Variants in WWOX observed in about 807,000 individuals in gnomAD.
The protein encoded by WWOX is WW domain containing oxidoreductase, also known as WW domain-containing oxidoreductase.
WWOX carries 69 observed loss-of-function variants against 46.2 expected under a neutral mutation model. The ratio of observed to expected loss-of-function variants is 1.49; its 90% CI spans 1.23 to 1.82. The LOEUF (loss-of-function observed/expected upper bound fraction) is 1.82, where lower values mean the gene tolerates loss of function less well. Ranked by LOEUF, WWOX falls within the 40% of genes most tolerant of loss-of-function variation. The pLI is 0.00. For missense variants in WWOX, 919 were observed against 542.6 expected, an observed-to-expected ratio of 1.69 and a Z score of -6.89; for synonymous variants, 359 against 202.6, an observed-to-expected ratio of 1.77 and a Z score of -6.56.
intron 8 of WWOX, among the ~76,000 whole-genome samples, chr16:78,943,306 ACGAGTAAAAAG>A (rs2045887851): frequency 6.8e-6 from 1 of 147,628 alleles, no homozygotes; most frequent in Non-Finnish European, 1.5e-5. Flanking sequence ...GGTACGCTAA[ACGAGTAAAAAG>A]CAACCCGAGA....
At position 79,044,964 on chromosome 16, in the gene WWOX, G is replaced by C. The variant is rs149337974; in HGVS notation, c.1057-166644G>C. On this transcript the variant is annotated intron_variant, in intron 8 of 8. Transcript: ENST00000566780. ...TAATCAATGAGATAATGTGCATAAA[G>C]ATTTACATACATAATAACTGCTCAA... Among the ~76,000 whole-genome samples the C allele has an allele frequency of 3.2e-4, 49 of 152,256 alleles. 1 individual carries two copies. Among genetic ancestry groups the C allele is most frequent in the African/African-American group, 1.2e-3 (48 of 41,548 alleles).
chr16:78,985,013 G>T (rs1382752831), intron 8 of WWOX, among the ~76,000 whole-genome samples: 5 of 152,086 alleles, frequency 3.3e-5, no homozygotes, highest in Admixed American at 3.3e-4. Flanking sequence ...TCCTTGCCCA[G>T]CTCCAAGTGT....
At chr16:78,454,405 G>C (rs1249576803) in intron 8 of WWOX, among the ~76,000 whole-genome samples, 3 of 152,124 alleles carry the variant, frequency 2.0e-5, no homozygotes, top group East Asian at 1.9e-4. Flanking sequence ...GTGTGTATTT[G>C]TCTGAAATAA....
chr16:78,555,309 C>T (rs1167299653), intron 8 of WWOX, among the ~76,000 whole-genome samples: 1 of 152,000 alleles, frequency 6.6e-6, no homozygotes, highest in Non-Finnish European at 1.5e-5. Context: ...GAAAGGTACT[C>T]TTTTTTATTC....
chr16:79,197,720 C>G (rs1159146852), intron 8 of WWOX, among the ~76,000 whole-genome samples: 1 of 151,946 alleles, frequency 6.6e-6, no homozygotes, highest in Non-Finnish European at 1.5e-5. Flanking sequence ...TTATTTGTTC[C>G]CAATGTTTGC....
At chr16:78,812,332 C>T (rs940774496) in intron 8 of WWOX, among the ~76,000 whole-genome samples, 1 of 152,038 alleles carries the variant, frequency 6.6e-6, no homozygotes, top group African/African-American at 2.4e-5. Context: ...GGTTTTGAGA[C>T]CCTCAGGGTG....
chr16:78,878,779 G>A (rs1041408259), intron 8 of WWOX, among the ~76,000 whole-genome samples: 1 of 151,728 alleles, frequency 6.6e-6, no homozygotes, highest in African/African-American at 2.4e-5. Context: ...ACCAGGCCAG[G>A]CTTATGGCTG....
At chr16:78,988,499 C>G (rs2046824174) in intron 8 of WWOX, among the ~76,000 whole-genome samples, 1 of 152,030 alleles carries the variant, frequency 6.6e-6, no homozygotes. Context: ...GGAGCTGTAA[C>G]CTTTGGTTGA....
At chr16:79,056,643 C>T (rs894963413) in intron 8 of WWOX, among the ~76,000 whole-genome samples, 6 of 152,164 alleles carry the variant, frequency 3.9e-5, no homozygotes, top group Admixed American at 1.3e-4. Context: ...TCCCTTCCCC[C>T]TCTTGTCACA....
chr16:78,354,781 A>G (rs570895566), intron 5 of WWOX, among the ~76,000 whole-genome samples: 12 of 152,150 alleles, frequency 7.9e-5, no homozygotes, highest in African/African-American at 2.9e-4. Context: ...GGGTTTTTCT[A>G]GATGGCCTGT....
Position 78,815,741 on chromosome 16 carries a change from A to G in WWOX, c.1056+382989A>G, listed in dbSNP as rs1025955793. Reference sequence around the variant, plus strand: ...GGAGCAAAAGAGCTTTAGAACTGCAATGCATCTGTCTGAGGCCAAGGACAG... The same window carrying G: ...GGAGCAAAAGAGCTTTAGAACTGCAGTGCATCTGTCTGAGGCCAAGGACAG... On this transcript the variant is annotated intron_variant, in intron 8 of 8. Coordinates refer to ENST00000566780, the MANE Select transcript of WWOX (RefSeq NM_016373.4). Among the ~76,000 whole-genome samples, 10 of 152,292 alleles carry G rather than the reference A, an allele frequency of 6.6e-5. No individual in the cohort carries two copies. In the South Asian group the frequency reaches 1.2e-3, roughly 19 times the overall value.
At chr16:79,097,828 G>C (rs908489032) in intron 8 of WWOX, among the ~76,000 whole-genome samples, 2 of 152,154 alleles carry the variant, frequency 1.3e-5, no homozygotes, top group Admixed American at 6.5e-5. Context: ...CCCGTCGATC[G>C]CAGTTCAGAT....
chr16:78,837,539 C>CT (rs1395376644), intron 8 of WWOX, among the ~76,000 whole-genome samples: 1 of 151,962 alleles, frequency 6.6e-6, no homozygotes, highest in South Asian at 2.1e-4. Flanking sequence ...GAGTGGGATA[C>CT]TTTTTTTTAT....
intron 8 of WWOX, among the ~76,000 whole-genome samples, chr16:78,500,208 G>A (rs2085025658): frequency 6.6e-6 from 1 of 152,196 alleles, no homozygotes; most frequent in Non-Finnish European, 1.5e-5. Context: ...AATTGTGTGT[G>A]TGACTTTGTG....
intron 8 of WWOX, among the ~76,000 whole-genome samples, chr16:78,857,331 T>C (rs903852415): frequency 1.3e-5 from 2 of 152,186 alleles, no homozygotes; most frequent in African/African-American, 4.8e-5. Flanking sequence ...CACCATGACA[T>C]TGGCAAAAGT....
At position 79,052,709 on chromosome 16, in the gene WWOX, G is replaced by A. The variant is rs958206919; in HGVS notation, c.1057-158899G>A. Among the ~76,000 whole-genome samples, 3 of 152,298 alleles carry A rather than the reference G, an allele frequency of 2.0e-5. No homozygotes were observed. In the South Asian group the frequency reaches 6.2e-4, roughly 32 times the overall value. On this transcript the variant is annotated intron_variant, in intron 8 of 8. Transcript: ENST00000566780. ...GGTTATAAATGAGCCTGTCTCCTTT[G>A]TCCGGTGTTCTCTCATGGCAAAACT...
intron 8 of WWOX, among the ~76,000 whole-genome samples, chr16:78,792,051 C>A (rs1189438459): frequency 6.6e-6 from 1 of 152,118 alleles, no homozygotes; most frequent in African/African-American, 2.4e-5. Flanking sequence ...ATCCCATAGT[C>A]AGCTTAGCCC....
chr16:78,833,619 T>G (rs1296437673), intron 8 of WWOX, among the ~76,000 whole-genome samples: 1 of 152,226 alleles, frequency 6.6e-6, no homozygotes. Context: ...ACTGCACATA[T>G]GTTCCTTTCT....
At chr16:78,287,450 C>G (rs13336959) in intron 5 of WWOX, among the ~76,000 whole-genome samples, 6,159 of 152,152 alleles carry the variant, frequency 0.04, 283 homozygotes, top group African/African-American at 0.11. Context: ...TAATTTTGAC[C>G]CAGTTGTAGT....
Sources: allele counts gnomAD v4.1 joint callset (sites outside exome capture counted in the v4.1 genomes callset), GRCh38; gene constraint gnomAD v4.1.1; transcripts MANE v1.5; gene names NCBI Gene and HGNC (gene_info 2026-07-23, HGNC 2026-07-21).